The following SEPTIN9 variants were observed in gnomAD, a reference collection of about 807,000 sequenced individuals.
SEPTIN9 encodes septin-9.
SEPTIN9 carries 13 observed loss-of-function variants against 56.6 expected under a neutral mutation model. That is an observed-to-expected ratio of 0.23 (90% confidence interval 0.15 to 0.37). SEPTIN9 has a LOEUF of 0.37. Ranked by LOEUF, SEPTIN9 falls within the 10% of genes least tolerant of loss-of-function variation. The pLI is 1.00. For synonymous variants in SEPTIN9, 332 were observed against 334.1 expected (o/e 0.99, Z 0.07); for missense variants, 650 against 823.1 (o/e 0.79, Z 2.57).
Position 77,487,697 on chromosome 17 carries a change from T to TG in SEPTIN9, c.1042+151dup, listed in dbSNP as rs1361020714. 1.8e-6 allele frequency: 1 copy of TG among 543,312 alleles called. No homozygotes were observed. The highest frequency in any genetic ancestry group is 2.2e-5 in the South Asian group (1 of 45,028). The allele number at this position is 543,312 out of a possible 1,614,324, so 33.7% of individuals were successfully genotyped here. A position where few individuals can be genotyped will look rare whatever the true frequency, so the allele number is the denominator to read the frequency against. On this transcript the variant is annotated intron_variant, in intron 5 of 11. Coordinates refer to ENST00000427177, the MANE Select transcript of SEPTIN9 (RefSeq NM_001113491.2). The surrounding 1 kb of genome is among the most constrained non-coding windows in gnomAD (Gnocchi z 4.3). ...TCCTCTGCCTTCCTGGAGCACAGAG[T>TG]GGGGGGTCAAGACCATCACACACAG...
At position 77,433,519 on chromosome 17, in the gene SEPTIN9, C is replaced by T. The variant is rs1169729921; in HGVS notation, c.721+30816C>T. ...CTGTGACGGCCAAAAGGGATGGCGC[C>T]CCAGCCACGTTCCCACCCACCCCGA... On this transcript the variant is annotated intron_variant, in intron 3 of 11. Coordinates refer to ENST00000427177, the MANE Select transcript of SEPTIN9 (RefSeq NM_001113491.2). This position sits in a 1 kb window ranked among gnomAD's most constrained non-coding sequence, Gnocchi z 6.4. Among the ~76,000 whole-genome samples, 1 of 152,122 alleles carries T rather than the reference C, an allele frequency of 6.6e-6. No homozygotes were observed. The highest frequency in any genetic ancestry group is 1.5e-5 in the Non-Finnish European group (1 of 68,006).
At chr17:77,390,452 C>CTTT (rs1346255182) in intron 2 of SEPTIN9, among the ~76,000 whole-genome samples, 5 of 115,062 alleles carry the variant, frequency 4.3e-5, no homozygotes, top group East Asian at 2.4e-4. Context: ...GCACATTTCG[C>CTTT]TTTTTTTTTT....
At chr17:77,465,424 G>C (rs2038669689) in intron 3 of SEPTIN9, among the ~76,000 whole-genome samples, 1 of 152,206 alleles carries the variant, frequency 6.6e-6, no homozygotes, top group Non-Finnish European at 1.5e-5. Context: ...GGCCTGGTGG[G>C]GGTGCATTGC....
chr17:77,373,739 TG>T (rs1429531801), intron 2 of SEPTIN9: 2 of 1,218,864 alleles, frequency 1.6e-6, no homozygotes, highest in Non-Finnish European at 2.1e-6. Context: ...GCCGCCTACG[TG>T]GGGGACCCTG....
intron 3 of SEPTIN9, among the ~76,000 whole-genome samples, chr17:77,468,268 AAAAAC>A (rs369979662): frequency 1.1e-4 from 16 of 152,060 alleles, no homozygotes; most frequent in Admixed American, 2.6e-4. Flanking sequence ...CCATCTCAAA[AAAAAC>A]AAAACAAAAC....
chr17:77,456,971 G>T lies in SEPTIN9; in HGVS notation c.722-25173G>T, dbSNP rs1264168575. 6.6e-6 allele frequency among the ~76,000 whole-genome samples: 1 copy of T among 152,242 alleles called. No homozygotes were observed. Among genetic ancestry groups the T allele is most frequent in the Non-Finnish European group, 1.5e-5 (1 of 68,040 alleles). Reference sequence around the variant, plus strand: ...AAGGAGGGCACGGTTGACTAAAGCTGCAGGAGCCAGCCTGGCCATCCTGAG... The same window carrying T: ...AAGGAGGGCACGGTTGACTAAAGCTTCAGGAGCCAGCCTGGCCATCCTGAG... On this transcript the variant is annotated intron_variant, in intron 3 of 11. Transcript: ENST00000427177. The surrounding 1 kb of genome is among the most constrained non-coding windows in gnomAD (Gnocchi z 6.0).
chr17:77,286,016 G>A (rs9895964), intron 1 of SEPTIN9, among the ~76,000 whole-genome samples: 29,199 of 152,276 alleles, frequency 0.19, 5,443 homozygotes, highest in African/African-American at 0.49. Flanking sequence ...TTCTCCCCCA[G>A]CCCCGTCTCC....
At chr17:77,356,669 TC>T (rs1430175939) in intron 2 of SEPTIN9, among the ~76,000 whole-genome samples, 9 of 45,032 alleles carry the variant, frequency 2.0e-4, no homozygotes, top group African/African-American at 6.1e-4. Context: ...CTGCTTTCCC[TC>T]CCCCTCCCCT....
intron 1 of SEPTIN9, among the ~76,000 whole-genome samples, chr17:77,293,803 G>A (rs913848079): frequency 1.2e-4 from 18 of 151,944 alleles, no homozygotes; most frequent in African/African-American, 4.4e-4. Context: ...TTTCTATTTC[G>A]AGAACAGAAA....
At chr17:77,441,827 G>C (rs1014467203) in intron 3 of SEPTIN9, among the ~76,000 whole-genome samples, 1 of 152,188 alleles carries the variant, frequency 6.6e-6, no homozygotes, top group East Asian at 1.9e-4. Context: ...TTTGTGACGG[G>C]AACATCCTGC....
intron 2 of SEPTIN9, among the ~76,000 whole-genome samples, chr17:77,328,818 G>A (rs1041096346): frequency 1.3e-5 from 2 of 152,224 alleles, no homozygotes; most frequent in Non-Finnish European, 1.5e-5. Flanking sequence ...ATCCATAGGT[G>A]GTTTTAGATG....
At chr17:77,386,830 G>A (rs1357212040) in intron 2 of SEPTIN9, among the ~76,000 whole-genome samples, 2 of 152,240 alleles carry the variant, frequency 1.3e-5, no homozygotes, top group Admixed American at 6.5e-5. Flanking sequence ...GGCTGTGCTG[G>A]GGGCACAGTG....
chr17:77,348,672 C>T (rs553897248), intron 2 of SEPTIN9, among the ~76,000 whole-genome samples: 1 of 152,106 alleles, frequency 6.6e-6, no homozygotes, highest in African/African-American at 2.4e-5. Context: ...ATTGCACATT[C>T]TTAGCTTTTC....
chr17:77,290,125 T>A (rs2031470249), intron 1 of SEPTIN9, among the ~76,000 whole-genome samples: 1 of 152,114 alleles, frequency 6.6e-6, no homozygotes, highest in South Asian at 2.1e-4. Context: ...CGCTCCTCCT[T>A]GATGGTGTGG....
rs1305963778 is a variant in SEPTIN9 at position 77,453,537 on chromosome 17, G to A, written c.722-28607G>A. On this transcript the variant is annotated intron_variant, in intron 3 of 11. Transcript: ENST00000427177. This position sits in a 1 kb window ranked among gnomAD's most constrained non-coding sequence, Gnocchi z 4.4. ...GGAGAATCACTTGAACCTGGGAGGT[G>A]GAGGTTGCAGTGAGCTGAGATTGTG... Among the ~76,000 whole-genome samples, 2 of 151,910 alleles carry A rather than the reference G, an allele frequency of 1.3e-5. No individual in the cohort carries two copies. Among genetic ancestry groups the A allele is most frequent in the Non-Finnish European group, 2.9e-5 (2 of 67,972 alleles).
intron 1 of SEPTIN9, among the ~76,000 whole-genome samples, chr17:77,298,862 G>A (rs2031922263): frequency 6.6e-6 from 1 of 152,174 alleles, no homozygotes; most frequent in Non-Finnish European, 1.5e-5. Flanking sequence ...CATTCAGCCT[G>A]GAGTGCAGCG....
intron 3 of SEPTIN9, among the ~76,000 whole-genome samples, chr17:77,480,215 A>G (rs1035482717): frequency 6.6e-5 from 10 of 152,096 alleles, no homozygotes; most frequent in African/African-American, 2.4e-4. Context: ...CCCCAATTCC[A>G]TAAGATAGGA....
At chr17:77,409,836 T>TGG (rs1436487534) in intron 3 of SEPTIN9, among the ~76,000 whole-genome samples, 1 of 152,192 alleles carries the variant, frequency 6.6e-6, no homozygotes, top group East Asian at 1.9e-4. Flanking sequence ...CATTCAGCCC[T>TGG]GGAGGAGCGC....
At chr17:77,343,492 A>G (rs186068434) in intron 2 of SEPTIN9, among the ~76,000 whole-genome samples, 6 of 152,294 alleles carry the variant, frequency 3.9e-5, no homozygotes, top group Admixed American at 3.9e-4. Context: ...ATCATTTGTA[A>G]TAAGTCAGCA....
Sources: gnomAD v4.1 joint callset for allele counts (sites outside exome capture counted in the v4.1 genomes callset) on GRCh38, gnomAD v4.1.1 for gene constraint, Gnocchi (gnomAD v3.1) non-coding constraint, MANE v1.5 for transcripts, NCBI Gene and HGNC (gene_info 2026-07-23, HGNC 2026-07-21) for gene names.